PRAMEF11: variants seen among roughly 807,000 people sequenced by gnomAD.
The protein encoded by PRAMEF11 is PRAME family member 11.
Under a neutral mutation model 33.6 loss-of-function variants are expected in PRAMEF11, and 17 were observed. That is an observed-to-expected ratio of 0.51 (90% CI 0.35 to 0.76). The LOEUF is 0.76. Among genes scored for constraint, PRAMEF11 ranks in the 30% least tolerant of loss-of-function variants. The probability of loss-of-function intolerance (pLI) is 0.01; values close to 1 mark genes in which losing one functional copy is unlikely to be tolerated. For missense variants in PRAMEF11, 568 were observed against 567.0 expected, an observed-to-expected ratio of 1.00 and a Z score of -0.02; for synonymous variants, 205 against 227.3, an observed-to-expected ratio of 0.90 and a Z score of 0.88.
In PRAMEF11 at chr1:12,824,653, C is replaced by G. The variant is rs1315457776; in HGVS notation, c.*289G>C. On this transcript the variant is annotated 3_prime_UTR_variant, in exon 4 of 4. Transcript: ENST00000619922. Reference sequence around the variant, plus strand: ...TTTCTGATTGTTTCTTTACAACCATCCATGCAAGAGTAACTCCCTCATGTA... The same window carrying G: ...TTTCTGATTGTTTCTTTACAACCATGCATGCAAGAGTAACTCCCTCATGTA... 6 of 410,656 alleles carry G rather than the reference C, an allele frequency of 1.5e-5. No homozygotes were observed. Among genetic ancestry groups the G allele is most frequent in the African/African-American group, 4.1e-5 (2 of 48,824 alleles). 25.4% of individuals were successfully genotyped at this position (410,656 alleles called of 1,614,324 possible). A position where few individuals can be genotyped will look rare whatever the true frequency, so the allele number is the denominator to read the frequency against.
chr1:12,829,314 CTT>C, intron 1 of PRAMEF11, among the ~76,000 whole-genome samples: 1 of 81,096 alleles, frequency 1.2e-5, no homozygotes, highest in Non-Finnish European at 2.5e-5. Flanking sequence ...TCCCTCCCTT[CTT>C]TCTTTCTTTC....
At chr1:12,829,893 G>T (rs986848267) in intron 1 of PRAMEF11, among the ~76,000 whole-genome samples, 2 of 151,030 alleles carry the variant, frequency 1.3e-5, no homozygotes, top group African/African-American at 4.9e-5. Flanking sequence ...AGCTACATTT[G>T]ATTAGAATTC....
chr1:12,827,916 C>T, intron 2 of PRAMEF11, 86 bp from the exon 3 acceptor site: 2 of 1,586,946 alleles, frequency 1.3e-6, no homozygotes, highest in Non-Finnish European at 1.7e-6. Flanking sequence ...CTCCTCCCCT[C>T]CCTGCTTGTT....
At position 12,825,089 on chromosome 1, in the gene PRAMEF11, CCAG is replaced by C. The variant is rs998648138; in HGVS notation, c.1287_1289del (p.Cys429del). ...CAGCCCTAATTTGAGCAAATCTGCT[CCAG>C]CAGAGAGTACCATCAGCACCATAAC... On this transcript the variant is annotated inframe_deletion, in exon 4 of 4. Transcript: ENST00000619922. 3 of 1,609,640 alleles carry C rather than the reference CCAG, an allele frequency of 1.9e-6. No homozygotes were observed. The African/African-American group carries it at 4.0e-5, about 22-fold the overall frequency.
Position 12,828,719 on chromosome 1 carries a change from G to C in PRAMEF11, c.71C>G (p.Ala24Gly), listed in dbSNP as rs771754538. The C allele has an allele frequency of 6.2e-7, 1 of 1,610,198 alleles. No homozygotes were observed. The highest frequency in any genetic ancestry group is 8.5e-7 in the Non-Finnish European group (1 of 1,178,058). ...CTCCTCCAGGGTGGAGACGGCCAAG[G>C]CTTGGTCCCTCAGCAGGCTCCGCCC... ...LAGRSLLRDQ[A>G]LAVSTLEELP... Residue 24 changes from alanine (A) to glycine (G), a missense_variant, in exon 2 of 4, where the codon GCC becomes GGC. This residue lies in a region of PRAMEF11 where 342 missense variants were observed against 312.0 expected (regional missense o/e 1.10). Transcript: ENST00000619922.
Position 12,824,731 on chromosome 1 carries a change from C to G in PRAMEF11, c.*211G>C. On this transcript the variant is annotated 3_prime_UTR_variant, in exon 4 of 4. Transcript: ENST00000619922. ...ATTCAGATTCCCATTTTCGACTCTA[C>G]AGGATACAGGTTCCCAAAGTCCCAT... The G allele has an allele frequency of 4.0e-6, 3 of 743,188 alleles. No individual in the cohort carries two copies. Among genetic ancestry groups the G allele is most frequent in the Admixed American group, 6.2e-5 (2 of 32,500 alleles). The allele number at this position is 743,188 out of a possible 1,614,324, so 46.0% of individuals were successfully genotyped here.
At chr1:12,829,259 G>T (rs1332550159) in intron 1 of PRAMEF11, among the ~76,000 whole-genome samples, 1 of 151,056 alleles carries the variant, frequency 6.6e-6, no homozygotes, top group Non-Finnish European at 1.5e-5. Flanking sequence ...CATTATTTAA[G>T]CTTGCTTTCT....
chr1:12,826,413 G>A lies in PRAMEF11; in HGVS notation c.875+836C>T, dbSNP rs543773928. On this transcript the variant is annotated intron_variant, in intron 3 of 3. Transcript: ENST00000619922. ...TTTCTGACATGTGCAGGTTTGCTGA[G>A]CATTCCCCTCTTCAGTGCCCACTTC... is the stretch of plus-strand genomic sequence containing the variant. 3.1e-4 allele frequency among the ~76,000 whole-genome samples: 47 copies of A among 151,374 alleles called. 2 individuals are homozygous for A. The highest frequency in any genetic ancestry group is 5.9e-4 in the Non-Finnish European group (40 of 67,808).
intron 3 of PRAMEF11, among the ~76,000 whole-genome samples, chr1:12,826,143 C>T (rs1226234412): frequency 1.3e-5 from 2 of 150,922 alleles, no homozygotes; most frequent in African/African-American, 2.4e-5. Flanking sequence ...GCATAAAGGA[C>T]AAACCCAGAC....
At position 12,824,724 on chromosome 1, in the gene PRAMEF11, G is replaced by A. The variant is rs1255728671; in HGVS notation, c.*218C>T. ...TCTAGACATTCAGATTCCCATTTTC[G>A]ACTCTACAGGATACAGGTTCCCAAA... is the stretch of plus-strand genomic sequence containing the variant. On this transcript the variant is annotated 3_prime_UTR_variant, in exon 4 of 4. Coordinates refer to ENST00000619922, the MANE Select transcript of PRAMEF11 (RefSeq NM_001146344.3). 1.3e-5 allele frequency: 9 copies of A among 673,414 alleles called. No homozygotes were observed. Among genetic ancestry groups the A allele is most frequent in the African/African-American group, 3.7e-5 (2 of 53,784 alleles). 41.7% of individuals were successfully genotyped at this position (673,414 alleles called of 1,614,324 possible).
chr1:12,831,302 G>A (rs1257575013), intron 1 of PRAMEF11, 54 bp downstream of exon 1: 1 of 151,172 alleles, frequency 6.6e-6, no homozygotes, highest in Middle Eastern at 3.2e-3. Flanking sequence ...CACCATCCCA[G>A]ACTGACTGAC....
chr1:12,827,457 G>A lies in PRAMEF11; in HGVS notation c.667C>T (p.Leu223=). The A allele has an allele frequency of 6.2e-7, 1 of 1,610,724 alleles. No homozygotes were observed. The highest frequency in any genetic ancestry group is 8.5e-7 in the Non-Finnish European group (1 of 1,179,246). Residue 223 remains leucine (L), a synonymous_variant, in exon 3 of 4, where the codon CTG becomes TTG. Transcript: ENST00000619922. ...EVNCKWILPI[L]TQFTPYLGHL... ...CCCAGGTATGGGGTAAACTGTGTCA[G>A]GATGGGCAGTATCCACTTGCAATTC... is the stretch of plus-strand genomic sequence containing the variant.
intron 1 of PRAMEF11, among the ~76,000 whole-genome samples, chr1:12,829,322 C>G (rs1193557119): frequency 4.1e-5 from 6 of 148,024 alleles, no homozygotes. Context: ...TTCTTTCTTT[C>G]TTTCCTCCTC....
Position 12,824,899 on chromosome 1 carries a change from C to G in PRAMEF11, c.*43G>C. On this transcript the variant is annotated 3_prime_UTR_variant, in exon 4 of 4. Coordinates refer to ENST00000619922, the MANE Select transcript of PRAMEF11 (RefSeq NM_001146344.3). ...GACCTAGGTTTTAGTTTCCAAGTGT[C>G]CAGAAGAAAGCGTTTGACATACCCA... 6.2e-7 allele frequency: 1 copy of G among 1,603,866 alleles called. No homozygotes were observed. The highest frequency in any genetic ancestry group is 8.5e-7 in the Non-Finnish European group (1 of 1,174,460).
rs112878529 is a variant in PRAMEF11 at position 12,829,962 on chromosome 1, C to T, written c.-16-1157G>A. Among the ~76,000 whole-genome samples the T allele has an allele frequency of 3.3e-4, 50 of 151,284 alleles. 1 individual carries two copies. The highest frequency in any genetic ancestry group is 9.7e-4 in the African/African-American group (40 of 41,258). On this transcript the variant is annotated intron_variant, in intron 1 of 3. Coordinates refer to ENST00000619922, the MANE Select transcript of PRAMEF11 (RefSeq NM_001146344.3). ...CTGACTTTCTTAAATATTAACTGAT[C>T]GAATTAGATATTCATCCATCAAAAT...
At position 12,826,631 on chromosome 1, in the gene PRAMEF11, C is replaced by T. The variant is rs186769265; in HGVS notation, c.875+618G>A. On this transcript the variant is annotated intron_variant, in intron 3 of 3. Transcript: ENST00000619922. ...ATAAAAATTAGCCAGGTGTGGTGGC[C>T]CACGCCTGTAATCCCAGGTACTCAG... 1.4e-3 allele frequency among the ~76,000 whole-genome samples: 218 copies of T among 150,638 alleles called. 3 individuals carry two copies. Among genetic ancestry groups the T allele is most frequent in the African/African-American group, 3.2e-3 (132 of 40,974 alleles).
intron 1 of PRAMEF11, 117 bp from the exon 2 acceptor site, chr1:12,828,922 C>G: frequency 1.4e-6 from 2 of 1,438,910 alleles, no homozygotes; most frequent in South Asian, 1.3e-5. Context: ...CCTCAGTTTA[C>G]TCCAATTCTA....
chr1:12,828,266 C>T (rs1281623891), intron 2 of PRAMEF11, among the ~76,000 whole-genome samples: 1 of 147,770 alleles, frequency 6.8e-6, no homozygotes, highest in Non-Finnish European at 1.5e-5. Flanking sequence ...GTGCCCGGCC[C>T]AGTTCTCACT....
At position 12,829,359 on chromosome 1, in the gene PRAMEF11, C is replaced by T. The variant is rs201270896; in HGVS notation, c.-16-554G>A. On this transcript the variant is annotated intron_variant, in intron 1 of 3. Transcript: ENST00000619922. ...CTCTCCCTTCTTTCTTTCTTGTCTTCTTTCCCTGCCTCCCTTCTCTCATTC... is the reference window on the plus strand; with the variant it reads ...CTCTCCCTTCTTTCTTTCTTGTCTTTTTTCCCTGCCTCCCTTCTCTCATTC... 1.0e-3 allele frequency among the ~76,000 whole-genome samples: 147 copies of T among 143,660 alleles called. No individual in the cohort carries two copies. In the East Asian group the frequency reaches 0.012, roughly 12 times the overall value. 94.2% of individuals were successfully genotyped at this position (143,660 alleles called of 152,430 possible).
Sources: gnomAD v4.1 joint callset for allele counts (sites outside exome capture counted in the v4.1 genomes callset) on GRCh38, gnomAD v4.1.1 for gene constraint, gnomAD v4.1.1 regional missense constraint, MANE v1.5 for transcripts, NCBI Gene and HGNC (gene_info 2026-07-23, HGNC 2026-07-21) for gene names.